The following CNTN4 variants were observed in gnomAD, a reference collection of about 807,000 sequenced individuals.
The protein encoded by CNTN4 is contactin 4, also known as contactin-4.
CNTN4 carries 77 observed loss-of-function variants against 122.5 expected under a neutral mutation model. The ratio of observed to expected loss-of-function variants is 0.63; its 90% CI spans 0.52 to 0.76. The LOEUF (loss-of-function observed/expected upper bound fraction) is 0.76, where lower values mean the gene tolerates loss of function less well. Ranked by LOEUF, CNTN4 falls within the 30% of genes least tolerant of loss-of-function variation. The probability of loss-of-function intolerance (pLI) is 0.00; values close to 1 mark genes in which losing one functional copy is unlikely to be tolerated. For missense variants in CNTN4, 1,256 were observed against 1,259.1 expected (o/e 1.00, Z 0.04); for synonymous variants, 512 against 447.0 (o/e 1.15, Z -1.83).
At chr3:2,499,494 G>A (rs1399080104) in intron 3 of CNTN4, among the ~76,000 whole-genome samples, 1 of 151,964 alleles carries the variant, frequency 6.6e-6, no homozygotes, top group East Asian at 1.9e-4. Flanking sequence ...AAAATTATGG[G>A]GTGTGAATTA....
At chr3:2,839,061 C>T (rs985183070) in intron 7 of CNTN4, among the ~76,000 whole-genome samples, 22 of 152,050 alleles carry the variant, frequency 1.4e-4, no homozygotes, top group African/African-American at 5.1e-4. Context: ...TTGGTGACAG[C>T]CTGTAACCAG....
chr3:2,490,404 A>G (rs1478641438), intron 3 of CNTN4, among the ~76,000 whole-genome samples: 2 of 152,150 alleles, frequency 1.3e-5, no homozygotes, highest in African/African-American at 2.4e-5. Context: ...GGGCACTAAT[A>G]ATTGTCTTTG....
At chr3:2,277,598 A>T (rs2149868045) in intron 2 of CNTN4, among the ~76,000 whole-genome samples, 1 of 152,238 alleles carries the variant, frequency 6.6e-6, no homozygotes, top group South Asian at 2.1e-4. Context: ...TTTGTGTTGC[A>T]TATCCGTACG....
chr3:3,009,505 C>T (rs550152262), intron 14 of CNTN4, among the ~76,000 whole-genome samples: 2 of 151,644 alleles, frequency 1.3e-5, no homozygotes, highest in East Asian at 1.9e-4. Context: ...GCGATCTCAG[C>T]TCACTGCAAG....
chr3:3,049,138 A>G lies in CNTN4; in HGVS notation c.2812-4669A>G, dbSNP rs143479140. On this transcript the variant is annotated intron_variant, in intron 23 of 24. Transcript: ENST00000418658. ...CCCTCTGTCACGCAAGGTGGAGTGT[A>G]GTGGTACAATCTTGGCTCACTGCAA... 3.9e-5 allele frequency among the ~76,000 whole-genome samples: 6 copies of G among 152,308 alleles called. No homozygotes were observed. In the East Asian group the frequency reaches 1.2e-3, roughly 29 times the overall value.
intron 2 of CNTN4, among the ~76,000 whole-genome samples, chr3:2,195,634 T>G (rs942675758): frequency 2.0e-5 from 3 of 152,200 alleles, no homozygotes; most frequent in African/African-American, 7.2e-5. Flanking sequence ...AAGAGAAATA[T>G]TCAACACCTT....
chr3:2,919,843 A>G (rs890523035), intron 12 of CNTN4, among the ~76,000 whole-genome samples: 3 of 152,222 alleles, frequency 2.0e-5, no homozygotes, highest in Non-Finnish European at 4.4e-5. Flanking sequence ...AAAGCATTAT[A>G]TAAGAATTAA....
chr3:2,673,906 C>A (rs1030768149), intron 4 of CNTN4, among the ~76,000 whole-genome samples: 1 of 152,118 alleles, frequency 6.6e-6, no homozygotes, highest in Non-Finnish European at 1.5e-5. Context: ...TGCTTTGAGA[C>A]CTCCATGGCA....
chr3:2,106,928 C>G (rs2125110930), intron 2 of CNTN4, among the ~76,000 whole-genome samples: 1 of 152,328 alleles, frequency 6.6e-6, no homozygotes, highest in East Asian at 1.9e-4. Context: ...CAAAATTCTG[C>G]TAGTCTCTTT....
In CNTN4 at chr3:2,287,664, GAAGAAGAAGAAGAAGAAGAAGAA is replaced by G. The variant is rs1559415397; in HGVS notation, c.-144-51513_-144-51491del. ...AGAAGAAGAAGAAGAAGAAGAAGAA[GAAGAAGAAGAAGAAGAAGAAGAA>G]GAAGAGGAAGAAGAAGAAGAAGAGG... On this transcript the variant is annotated intron_variant, in intron 2 of 24. Transcript: ENST00000418658. Among the ~76,000 whole-genome samples the G allele has an allele frequency of 2.5e-3, 108 of 43,430 alleles. 2 individuals are homozygous for G. The highest frequency in any genetic ancestry group is 3.5e-3 in the Non-Finnish European group (66 of 19,080). The allele number at this position is 43,430 out of a possible 152,430, so 28.5% of individuals were successfully genotyped here.
At chr3:2,336,973 T>TACTGTAGCCTATTA (rs1167426631) in intron 2 of CNTN4, among the ~76,000 whole-genome samples, 1 of 152,194 alleles carries the variant, frequency 6.6e-6, no homozygotes, top group African/African-American at 2.4e-5. Flanking sequence ...TATTAATTGA[T>TACTGTAGCCTATTA]GGTTCAATAG....
At chr3:3,055,233 T>C (rs1478029553) in intron 24 of CNTN4, among the ~76,000 whole-genome samples, 1 of 147,922 alleles carries the variant, frequency 6.8e-6, no homozygotes, top group African/African-American at 2.5e-5. Flanking sequence ...AAGTAAAATC[T>C]CCAGGCCACA....
chr3:2,244,557 GTA>G (rs1177175505), intron 2 of CNTN4, among the ~76,000 whole-genome samples: 10 of 152,138 alleles, frequency 6.6e-5, no homozygotes, highest in Middle Eastern at 3.4e-3. Context: ...GATATTTTGA[GTA>G]TATTAGGTTA....
chr3:2,853,627 A>G (rs1025860627), intron 7 of CNTN4, among the ~76,000 whole-genome samples: 1 of 152,040 alleles, frequency 6.6e-6, no homozygotes, highest in Non-Finnish European at 1.5e-5. Flanking sequence ...CAACCACCAC[A>G]TGTACTCACT....
At chr3:2,172,041 G>C (rs2036539462) in intron 2 of CNTN4, among the ~76,000 whole-genome samples, 1 of 152,204 alleles carries the variant, frequency 6.6e-6, no homozygotes, top group Non-Finnish European at 1.5e-5. Context: ...CCGAATGTTT[G>C]AGAACCACTG....
intron 2 of CNTN4, among the ~76,000 whole-genome samples, chr3:2,309,285 T>C (rs1559439667): frequency 6.6e-6 from 1 of 152,156 alleles, no homozygotes; most frequent in Non-Finnish European, 1.5e-5. Context: ...AGCTCTTTTT[T>C]TGGTTACTGT....
chr3:2,887,865 G>A (rs1171199229), intron 10 of CNTN4, among the ~76,000 whole-genome samples: 1 of 152,120 alleles, frequency 6.6e-6, no homozygotes, highest in Non-Finnish European at 1.5e-5. Context: ...ACCCTGTTAG[G>A]ATACTGATTT....
intron 4 of CNTN4, among the ~76,000 whole-genome samples, chr3:2,688,126 T>C (rs2085533491): frequency 6.6e-6 from 1 of 152,234 alleles, no homozygotes; most frequent in South Asian, 2.1e-4. Context: ...CTTATTAAAA[T>C]ATGAAAATAC....
chr3:2,335,476 C>T (rs886664094), intron 2 of CNTN4, among the ~76,000 whole-genome samples: 3 of 151,916 alleles, frequency 2.0e-5, no homozygotes, highest in African/African-American at 7.3e-5. Context: ...AAAGGTCTTG[C>T]CTTGTGTTCG....
Sources: allele counts gnomAD v4.1 joint callset (sites outside exome capture counted in the v4.1 genomes callset), GRCh38; gene constraint gnomAD v4.1.1; transcripts MANE v1.5; gene names NCBI Gene and HGNC (gene_info 2026-07-23, HGNC 2026-07-21).